The following HRK variants were observed in gnomAD, a reference collection of about 807,000 sequenced individuals.
The protein encoded by HRK is activator of apoptosis harakiri.
Under a neutral mutation model 5.9 loss-of-function variants are expected in HRK, and 6 were observed. The ratio of observed to expected loss-of-function variants is 1.02; its 90% CI spans 0.56 to 2.01. HRK has a LOEUF of 2.01. HRK is among the 30% of genes most tolerant of loss of function. HRK has a pLI of 0.00. For missense variants in HRK, 133 were observed against 128.3 expected (o/e 1.04, Z -0.18); for synonymous variants, 85 against 65.1 (o/e 1.31, Z -1.47).
intron 1 of HRK, among the ~76,000 whole-genome samples, chr12:116,866,797 G>T (rs1319296361): frequency 6.6e-6 from 1 of 152,192 alleles, no homozygotes; most frequent in African/African-American, 2.4e-5. Context: ...AGCAGTGAGA[G>T]TTGGGTAGTA....
At chr12:116,866,390 CAAA>C (rs965013066) in intron 1 of HRK, among the ~76,000 whole-genome samples, 12 of 54,778 alleles carry the variant, frequency 2.2e-4, no homozygotes, top group Non-Finnish European at 1.9e-4. Context: ...GACCCTGTCT[CAAA>C]AAAAAAAAAA....
rs1049392898 is a variant in HRK at position 116,858,827 on chromosome 12, T to A, written c.*2696A>T. 2 of 151,266 alleles carry A rather than the reference T, an allele frequency of 1.3e-5. No homozygotes were observed. The highest frequency in any genetic ancestry group is 4.9e-5 in the African/African-American group (2 of 41,104). 9.4% of individuals were successfully genotyped at this position (151,266 alleles called of 1,614,324 possible). A position where few individuals can be genotyped will look rare whatever the true frequency, so the allele number is the denominator to read the frequency against. Reference sequence around the variant, plus strand: ...CTTTGCACACTGTGGAAATATTTTTTAAAAAACAAGAACCACCCCACTATC... The same window carrying A: ...CTTTGCACACTGTGGAAATATTTTTAAAAAAACAAGAACCACCCCACTATC... On this transcript the variant is annotated 3_prime_UTR_variant, in exon 2 of 2. Coordinates refer to ENST00000257572, the MANE Select transcript of HRK (RefSeq NM_003806.4).
At chr12:116,875,949 T>C (rs1878910707) in intron 1 of HRK, among the ~76,000 whole-genome samples, 1 of 152,216 alleles carries the variant, frequency 6.6e-6, no homozygotes, top group African/African-American at 2.4e-5. Context: ...GTTAGCTTTC[T>C]ATTCCCGTGA....
Position 116,878,904 on chromosome 12 carries a change from C to G in HRK, c.*56+2072G>C, listed in dbSNP as rs576354897. ...AGAGACAATAACCTGCTGCTGCCCC[C>G]CAACACCGACTCAAAACAGCGAAAC... On this transcript the variant is annotated intron_variant, in intron 1 of 1. Coordinates refer to ENST00000257572, the MANE Select transcript of HRK (RefSeq NM_003806.4). This position sits in a 1 kb window ranked among gnomAD's most constrained non-coding sequence, Gnocchi z 4.4. 1.3e-5 allele frequency among the ~76,000 whole-genome samples: 2 copies of G among 152,176 alleles called. No homozygotes were observed. Among genetic ancestry groups the G allele is most frequent in the African/African-American group, 4.8e-5 (2 of 41,454 alleles).
Position 116,858,299 on chromosome 12 carries a change from T to C in HRK, c.*3224A>G. 6.6e-6 allele frequency: 1 copy of C among 151,932 alleles called. No homozygotes were observed. The highest frequency in any genetic ancestry group is 1.5e-5 in the Non-Finnish European group (1 of 68,024). The allele number at this position is 151,932 out of a possible 1,614,324, so 9.4% of individuals were successfully genotyped here. On this transcript the variant is annotated 3_prime_UTR_variant, in exon 2 of 2. Coordinates refer to ENST00000257572, the MANE Select transcript of HRK (RefSeq NM_003806.4). ...CCCCAGAGAAACTTCCTACTCAAGC[T>C]ACACCAATAACAAAGAGAATAGGAA...
intron 1 of HRK, among the ~76,000 whole-genome samples, chr12:116,871,155 C>T (rs574887371): frequency 1.8e-4 from 27 of 151,576 alleles, no homozygotes; most frequent in African/African-American, 6.1e-4. Context: ...CGAGGTTTCA[C>T]CATGTTGGCC....
rs1879073813 is a variant in HRK, at chr12:116,879,774, G to A, written c.*56+1202C>T. On this transcript the variant is annotated intron_variant, in intron 1 of 1. Transcript: ENST00000257572. The surrounding 1 kb of genome is among the most constrained non-coding windows in gnomAD (Gnocchi z 5.6). Reference sequence around the variant, plus strand: ...CTCCGGCTGCCGCCTTTCCCCGCGGGCGCAGACGCTCGGGCCTCGCCTTCA... The same window carrying A: ...CTCCGGCTGCCGCCTTTCCCCGCGGACGCAGACGCTCGGGCCTCGCCTTCA... Among the ~76,000 whole-genome samples the A allele has an allele frequency of 6.6e-6, 1 of 152,216 alleles. No homozygotes were observed. Among genetic ancestry groups the A allele is most frequent in the Admixed American group, 6.5e-5 (1 of 15,286 alleles).
intron 1 of HRK, among the ~76,000 whole-genome samples, chr12:116,871,771 T>G (rs1160228696): frequency 6.6e-6 from 1 of 151,508 alleles, no homozygotes; most frequent in Non-Finnish European, 1.5e-5. Context: ...GGACTACAGA[T>G]GCAAGCCACC....
At chr12:116,867,024 T>TCA (rs1340918045) in intron 1 of HRK, among the ~76,000 whole-genome samples, 1 of 151,874 alleles carries the variant, frequency 6.6e-6, no homozygotes, top group Admixed American at 6.6e-5. Flanking sequence ...GCACAGTGGC[T>TCA]CACACCTGTA....
intron 1 of HRK, among the ~76,000 whole-genome samples, chr12:116,874,611 G>A (rs990196006): frequency 4.6e-5 from 7 of 152,144 alleles, no homozygotes; most frequent in Admixed American, 1.3e-4. Context: ...GTCTAATTCC[G>A]CCCCACCTTG....
intron 1 of HRK, among the ~76,000 whole-genome samples, chr12:116,865,893 C>A (rs1180801808): frequency 6.6e-6 from 1 of 152,180 alleles, no homozygotes; most frequent in Non-Finnish European, 1.5e-5. Context: ...TGTGGTGGCT[C>A]ACGCCTGTAA....
rs1466477921 is a variant in HRK, at chr12:116,860,403, G to C, written c.*1120C>G. The stretch of plus-strand genomic sequence containing the variant: ...CCCACTCCCTCCCACAACATCCCCC[G>C]GTTATAAATCATCTTTGAACAGAAT... On this transcript the variant is annotated 3_prime_UTR_variant, in exon 2 of 2. Transcript: ENST00000257572. The C allele has an allele frequency of 6.6e-6, 1 of 152,082 alleles. No individual in the cohort carries two copies. 9.4% of individuals were successfully genotyped at this position (152,082 alleles called of 1,614,324 possible).
rs1878301847 is a variant in HRK, at chr12:116,860,034, C to A, written c.*1489G>T. On this transcript the variant is annotated 3_prime_UTR_variant, in exon 2 of 2. Transcript: ENST00000257572. ...AACTGGAGCGGTGTCTGCTAACCAG[C>A]CTGCTGGACCCTCTGTCTATAGGTA... 6.6e-6 allele frequency: 1 copy of A among 152,236 alleles called. No individual in the cohort carries two copies. The highest frequency in any genetic ancestry group is 2.4e-5 in the African/African-American group (1 of 41,454). 9.4% of individuals were successfully genotyped at this position (152,236 alleles called of 1,614,324 possible).
chr12:116,874,446 A>T lies in HRK; in HGVS notation c.*56+6530T>A, dbSNP rs115663698. Among the ~76,000 whole-genome samples the T allele has an allele frequency of 6.3e-3, 950 of 151,924 alleles. 7 individuals are homozygous for T. The highest frequency in any genetic ancestry group is 0.022 in the African/African-American group (920 of 41,416). ...ACCACAGGTGAGGAGTCCCTGGGGC[A>T]CTCTCTATTGTGTTACCTTTGTGTA... On this transcript the variant is annotated intron_variant, in intron 1 of 1. Coordinates refer to ENST00000257572, the MANE Select transcript of HRK (RefSeq NM_003806.4).
At chr12:116,864,812 C>T (rs979296165) in intron 1 of HRK, among the ~76,000 whole-genome samples, 2 of 151,940 alleles carry the variant, frequency 1.3e-5, no homozygotes, top group Non-Finnish European at 2.9e-5. Context: ...TTCTTTTTTC[C>T]AAGCAGCAGT....
chr12:116,865,744 G>T lies in HRK; in HGVS notation c.*57-4278C>A, dbSNP rs1459197834. On this transcript the variant is annotated intron_variant, in intron 1 of 1. Transcript: ENST00000257572. Reference sequence around the variant, plus strand: ...GAGTATTTTCTGGTCATTTGTATACGCCATGTCTCTTTTTTGTTCTTTTCC... The same window carrying T: ...GAGTATTTTCTGGTCATTTGTATACTCCATGTCTCTTTTTTGTTCTTTTCC... Among the ~76,000 whole-genome samples, 4 of 152,052 alleles carry T rather than the reference G, an allele frequency of 2.6e-5. No individual in the cohort carries two copies. The South Asian group carries it at 6.2e-4, about 24-fold the overall frequency.
At chr12:116,873,350 A>T (rs1451708168) in intron 1 of HRK, among the ~76,000 whole-genome samples, 1 of 151,896 alleles carries the variant, frequency 6.6e-6, no homozygotes, top group Non-Finnish European at 1.5e-5. Flanking sequence ...TGAACTTGTC[A>T]TATTTTTTGT....
intron 1 of HRK, among the ~76,000 whole-genome samples, chr12:116,868,179 C>A (rs1878614726): frequency 6.6e-6 from 1 of 151,478 alleles, no homozygotes; most frequent in South Asian, 2.1e-4. Context: ...TGGTCTCGAA[C>A]TGCTGGGCTC....
In HRK at chr12:116,880,969, C is replaced by G; in HGVS notation, c.*56+7G>C. The G allele has an allele frequency of 8.2e-7, 1 of 1,214,308 alleles. No individual in the cohort carries two copies. Among genetic ancestry groups the G allele is most frequent in the African/African-American group, 1.6e-5 (1 of 62,750 alleles). The allele number at this position is 1,214,308 out of a possible 1,614,324, so 75.2% of individuals were successfully genotyped here. A position where few individuals can be genotyped will look rare whatever the true frequency, so the allele number is the denominator to read the frequency against. On this transcript the variant is annotated splice_region_variant and intron_variant, in intron 1 of 1. Transcript: ENST00000257572. ...GCGCCCCGGCTCTCGCTCGCTCGCT[C>G]GCGTACCTGTTGCTCGCTCCGGCTG...
Sources: gnomAD v4.1 joint callset for allele counts (sites outside exome capture counted in the v4.1 genomes callset) on GRCh38, gnomAD v4.1.1 for gene constraint, Gnocchi (gnomAD v3.1) non-coding constraint, MANE v1.5 for transcripts, NCBI Gene and HGNC (gene_info 2026-07-23, HGNC 2026-07-21) for gene names.